The following TSPAN9 variants were observed in gnomAD, a reference collection of about 807,000 sequenced individuals.
TSPAN9 encodes tetraspanin 9.
In TSPAN9, 16 loss-of-function variants were observed where a neutral mutation model predicts 31.0. That is an observed-to-expected ratio of 0.52 (90% CI 0.35 to 0.78). The LOEUF (loss-of-function observed/expected upper bound fraction) is 0.78, where lower values mean the gene tolerates loss of function less well. Among genes scored for constraint, TSPAN9 ranks in the 30% least tolerant of loss-of-function variants. The pLI, the probability that TSPAN9 is intolerant of heterozygous loss-of-function variation, is 0.01. For missense variants in TSPAN9, 272 were observed against 312.5 expected (o/e 0.87, Z 0.98); for synonymous variants, 145 against 121.6 (o/e 1.19, Z -1.27).
At chr12:3,230,078 G>A (rs1311297465) in intron 3 of TSPAN9, among the ~76,000 whole-genome samples, 1 of 152,052 alleles carries the variant, frequency 6.6e-6, no homozygotes, top group Non-Finnish European at 1.5e-5. Flanking sequence ...CCCATCATCT[G>A]TCTGGGACTT....
chr12:3,226,732 GTGTGTGTGTGTGTATATATATATA>G (rs2098387536), intron 3 of TSPAN9, among the ~76,000 whole-genome samples: 2 of 14,150 alleles, frequency 1.4e-4, no homozygotes. Context: ...GTGTGTGTGT[GTGTGTGTGTGTGTATATATATATA>G]TATATATATA....
At chr12:3,176,506 C>G (rs1200258482) in intron 2 of TSPAN9, among the ~76,000 whole-genome samples, 3 of 152,200 alleles carry the variant, frequency 2.0e-5, no homozygotes, top group Non-Finnish European at 2.9e-5. Context: ...TTCTTTTAGC[C>G]TCCTGTGGTA....
chr12:3,239,582 T>C (rs1295749829), intron 3 of TSPAN9, among the ~76,000 whole-genome samples: 1 of 152,222 alleles, frequency 6.6e-6, no homozygotes, highest in South Asian at 2.1e-4. Flanking sequence ...AGAGAGGAGC[T>C]CATTTTTTGC....
intron 3 of TSPAN9, among the ~76,000 whole-genome samples, chr12:3,202,111 G>A (rs1017762975): frequency 1.3e-5 from 2 of 152,262 alleles, no homozygotes; most frequent in East Asian, 3.8e-4. Context: ...TCTGGAGGCT[G>A]TGCGCACATA....
chr12:3,222,618 C>G (rs570325173), intron 3 of TSPAN9, among the ~76,000 whole-genome samples: 85 of 152,254 alleles, frequency 5.6e-4, no homozygotes, highest in African/African-American at 1.9e-3. Context: ...TGTGGGGAAG[C>G]CTGTGTGATG....
chr12:3,245,893 G>A (rs546280333), intron 3 of TSPAN9, among the ~76,000 whole-genome samples: 27 of 152,130 alleles, frequency 1.8e-4, no homozygotes, highest in African/African-American at 2.2e-4. Context: ...TGACTGTGGC[G>A]CAGAGAGGAA....
chr12:3,190,231 G>A (rs1043198662), intron 2 of TSPAN9, among the ~76,000 whole-genome samples: 13 of 152,222 alleles, frequency 8.5e-5, no homozygotes, highest in African/African-American at 1.4e-4. Context: ...GCAGAGCGCC[G>A]TCCCAGCTGG....
intron 2 of TSPAN9, among the ~76,000 whole-genome samples, chr12:3,181,906 A>G (rs73250802): frequency 0.015 from 2,293 of 152,252 alleles, 62 homozygotes; most frequent in African/African-American, 0.053. Flanking sequence ...CTGGAACCAC[A>G]GCCAGAATCC....
At chr12:3,115,601 G>A (rs959727607) in intron 2 of TSPAN9, among the ~76,000 whole-genome samples, 3 of 152,180 alleles carry the variant, frequency 2.0e-5, no homozygotes, top group Non-Finnish European at 4.4e-5. Context: ...TGCTGGTGAA[G>A]CCCTCTTCTG....
chr12:3,252,831 G>A (rs79615273), intron 3 of TSPAN9, among the ~76,000 whole-genome samples: 124 of 152,330 alleles, frequency 8.1e-4, no homozygotes, highest in East Asian at 4.8e-3. Context: ...TGCTGGGGGC[G>A]TGTCACTTTC....
intron 5 of TSPAN9, 102 bp downstream of exon 5, chr12:3,279,168 C>CA (rs1862851277): frequency 6.9e-6 from 7 of 1,017,876 alleles, no homozygotes; most frequent in Non-Finnish European, 1.1e-5. Flanking sequence ...AGAGTGCTGG[C>CA]AAGCAGCACC....
chr12:3,235,102 G>A (rs1349949950), intron 3 of TSPAN9, among the ~76,000 whole-genome samples: 1 of 140,668 alleles, frequency 7.1e-6, no homozygotes, highest in African/African-American at 2.7e-5. Context: ...CGGAGATGGA[G>A]CTTGCAGTGA....
intron 3 of TSPAN9, among the ~76,000 whole-genome samples, chr12:3,266,853 A>G (rs7973548): frequency 0.75 from 114,653 of 152,184 alleles, 43,532 homozygotes; most frequent in East Asian, 0.87. Context: ...GATGCTCCAC[A>G]TGTGGGCCCT....
chr12:3,094,403 C>G (rs936364129), intron 2 of TSPAN9, among the ~76,000 whole-genome samples: 3 of 152,172 alleles, frequency 2.0e-5, no homozygotes, highest in Non-Finnish European at 4.4e-5. Flanking sequence ...CCCCATGCCT[C>G]TCCAAGAAAA....
intron 2 of TSPAN9, among the ~76,000 whole-genome samples, chr12:3,155,960 G>A (rs184253613): frequency 9.2e-5 from 14 of 152,266 alleles, no homozygotes; most frequent in Admixed American, 9.2e-4. Flanking sequence ...TGGTTTTCCC[G>A]GATGACAGCC....
chr12:3,242,666 C>T (rs544740100), intron 3 of TSPAN9, among the ~76,000 whole-genome samples: 16 of 152,318 alleles, frequency 1.1e-4, no homozygotes, highest in South Asian at 2.1e-4. Context: ...GGGGCTCCAG[C>T]GGTCACCGGG....
At chr12:3,264,680 C>T (rs554696216) in intron 3 of TSPAN9, among the ~76,000 whole-genome samples, 27 of 152,332 alleles carry the variant, frequency 1.8e-4, no homozygotes, top group South Asian at 1.2e-3. Flanking sequence ...GGCTGGCCTC[C>T]GTAACCTAGG....
At chr12:3,251,685 C>A (rs1437844595) in intron 3 of TSPAN9, among the ~76,000 whole-genome samples, 1 of 152,210 alleles carries the variant, frequency 6.6e-6, no homozygotes, top group African/African-American at 2.4e-5. Context: ...GAGGGACACA[C>A]AGGACGGTGG....
intron 2 of TSPAN9, among the ~76,000 whole-genome samples, chr12:3,094,847 CTTTTTTTTTT>C (rs61154605): frequency 6.9e-5 from 7 of 101,946 alleles, no homozygotes; most frequent in African/African-American, 1.3e-4. Context: ...AATCAATAAT[CTTTTTTTTTT>C]TTTTTTTTTT....
Sources: gnomAD v4.1 joint callset for allele counts (sites outside exome capture counted in the v4.1 genomes callset) on GRCh38, gnomAD v4.1.1 for gene constraint, MANE v1.5 for transcripts, NCBI Gene and HGNC (gene_info 2026-07-23, HGNC 2026-07-21) for gene names.